Variants in TLE5 observed in about 807,000 individuals in gnomAD.
TLE5 encodes the protein TLE family member 5, transcriptional modulator.
Under a neutral mutation model 25.8 loss-of-function variants are expected in TLE5, and 7 were observed. That is an observed-to-expected ratio of 0.27 (90% CI 0.15 to 0.51). TLE5 has a LOEUF of 0.51. Ranked by LOEUF, TLE5 falls within the 20% of genes least tolerant of loss-of-function variation. The pLI is 0.97. For synonymous variants in TLE5, 132 were observed against 110.5 expected, an observed-to-expected ratio of 1.20 and a Z score of -1.22; for missense variants, 149 against 250.7, an observed-to-expected ratio of 0.59 and a Z score of 2.74.
In TLE5 at chr19:3,056,277, G is replaced by A. The variant is rs528278821; in HGVS notation, c.234+35C>T. 10 of 1,425,754 alleles carry A rather than the reference G, an allele frequency of 7.0e-6. No homozygotes were observed. In the African/African-American group the frequency reaches 1.1e-4, roughly 16 times the overall value. The allele number at this position is 1,425,754 out of a possible 1,614,324, so 88.3% of individuals were successfully genotyped here. ...GAGGTGGGGGGAGGAGGGGGAAGGA[G>A]GAGGAGGAGGAGGAGGAGGAGGAGA... On this transcript the variant is annotated intron_variant, in intron 4 of 6. Coordinates refer to ENST00000327141, the MANE Select transcript of TLE5 (RefSeq NM_001130.6).
chr19:3,062,090 G>C (rs1417912472), intron 1 of TLE5, 84 bp downstream of exon 1: 3 of 740,564 alleles, frequency 4.1e-6, no homozygotes, highest in African/African-American at 3.8e-5. Context: ...CTGGGGGTTG[G>C]GGGGCGCGGG....
chr19:3,062,687 C>T, upstream of TLE5: 1 of 1,447,364 alleles, frequency 6.9e-7, no homozygotes, highest in Non-Finnish European at 9.1e-7. Context: ...CGGCCCCCGC[C>T]ACCCTCTCCT....
intron 5 of TLE5, 96 bp downstream of exon 5, chr19:3,055,568 G>C: frequency 1.7e-6 from 2 of 1,159,698 alleles, no homozygotes; most frequent in South Asian, 3.4e-5. Context: ...GTGTGCCCTG[G>C]GGCGCCCAGC....
intron 3 of TLE5, among the ~76,000 whole-genome samples, chr19:3,057,179 C>G (rs535356650): frequency 6.6e-5 from 10 of 152,320 alleles, no homozygotes; most frequent in African/African-American, 2.4e-4. Flanking sequence ...CGTCACCTGG[C>G]AGTTACAAAA....
At chr19:3,061,118 TCA>T (rs2090262479) in intron 2 of TLE5, 40 bp downstream of exon 2, 4 of 1,471,486 alleles carry the variant, frequency 2.7e-6, no homozygotes, top group South Asian at 2.3e-5. Flanking sequence ...ATGGGGGGAC[TCA>T]CATTCTCGGG....
intron 3 of TLE5, chr19:3,057,403 C>T: frequency 2.1e-6 from 1 of 470,972 alleles, no homozygotes; most frequent in Non-Finnish European, 3.9e-6. Context: ...GAGCCTCCCT[C>T]TCCTCCCTCC....
At chr19:3,056,007 C>T in intron 4 of TLE5, 1 of 514,832 alleles carries the variant, frequency 1.9e-6, no homozygotes, top group East Asian at 3.3e-5. Flanking sequence ...CACTCAGGCC[C>T]CTGGCAGGTA....
At chr19:3,054,086 T>TGGGGGGGGGG in intron 6 of TLE5, 34 bp downstream of exon 6, 26 of 1,512,158 alleles carry the variant, frequency 1.7e-5, no homozygotes, top group Non-Finnish European at 2.1e-5. Context: ...GGCCCACCTG[T>TGGGGGGGGGG]CCCCCGCCCA....
rs2090279835 is a variant in TLE5, at chr19:3,062,411, G to GGCGCCCCTCC, written c.-221_-212dup. 6.1e-6 allele frequency: 5 copies of GGCGCCCCTCC among 823,434 alleles called. No individual in the cohort carries two copies. Among genetic ancestry groups the GGCGCCCCTCC allele is most frequent in the Non-Finnish European group, 7.2e-6 (5 of 690,582 alleles). The allele number at this position is 823,434 out of a possible 1,614,324, so 51.0% of individuals were successfully genotyped here. Reference sequence around the variant, plus strand: ...CCCGGGCCCCGCTTCCTGCGCGCCCGGCGCCCCTCCCCGCCCCTCCCCGCC... The same window carrying GGCGCCCCTCC: ...CCCGGGCCCCGCTTCCTGCGCGCCCGGCGCCCCTCCGCGCCCCTCCCCGCCCCTCCCCGCC... On this transcript the variant is annotated 5_prime_UTR_variant, in exon 1 of 7. Transcript: ENST00000327141.
Position 3,053,954 on chromosome 19 carries a change from C to G in TLE5, c.459G>C (p.Ser153=). 3 of 1,611,678 alleles carry G rather than the reference C, an allele frequency of 1.9e-6. No individual in the cohort carries two copies. The change falls in exon 7 of 7, where the codon TCG becomes TCC. Residue 153 remains serine (S), a synonymous_variant. Coordinates refer to ENST00000327141, the MANE Select transcript of TLE5 (RefSeq NM_001130.6). ...CGGTGCCTGCGCTGACCGCCGGCAG[C>G]GAAGGCGGCTGCAGCCCCACGGGTA... ...TPLPVGLQPP[S]LPAVSAGTGL...
At chr19:3,056,187 GGGCT>G in intron 4 of TLE5, 121 bp downstream of exon 4, 1 of 615,488 alleles carries the variant, frequency 1.6e-6, no homozygotes, top group South Asian at 2.0e-5. Context: ...CAGGATAACC[GGGCT>G]GGCTTGGTGC....
chr19:3,053,145 A>C lies in TLE5; in HGVS notation c.*674T>G. 1 of 152,166 alleles carries C rather than the reference A, an allele frequency of 6.6e-6. No homozygotes were observed. Among genetic ancestry groups the C allele is most frequent in the East Asian group, 1.9e-4 (1 of 5,202 alleles). The allele number at this position is 152,166 out of a possible 1,614,324, so 9.4% of individuals were successfully genotyped here. A position where few individuals can be genotyped will look rare whatever the true frequency, so the allele number is the denominator to read the frequency against. Reference sequence around the variant, plus strand: ...AAAAGAAAAAAATAATAATAAAATAAAAACCAAGACAACTTTAGTACCCTC... The same window carrying C: ...AAAAGAAAAAAATAATAATAAAATACAAACCAAGACAACTTTAGTACCCTC... On this transcript the variant is annotated 3_prime_UTR_variant, in exon 7 of 7. Transcript: ENST00000327141.
chr19:3,062,480 C>T lies in TLE5; in HGVS notation c.-280G>A, dbSNP rs1568267348. On this transcript the variant is annotated 5_prime_UTR_variant, in exon 1 of 7. Coordinates refer to ENST00000327141, the MANE Select transcript of TLE5 (RefSeq NM_001130.6). ...CGGCCCCACCGCTATTGTCTAATGG[C>T]GGCGACGCCGGCAGTGGCCGCGGCT... 3.2e-6 allele frequency: 2 copies of T among 624,750 alleles called. No individual in the cohort carries two copies. The highest frequency in any genetic ancestry group is 2.0e-5 in the African/African-American group (1 of 49,482). 38.7% of individuals were successfully genotyped at this position (624,750 alleles called of 1,614,324 possible). A position where few individuals can be genotyped will look rare whatever the true frequency, so the allele number is the denominator to read the frequency against.
chr19:3,056,219 G>A (rs1037709795), intron 4 of TLE5, 93 bp downstream of exon 4: 8 of 903,686 alleles, frequency 8.9e-6, no homozygotes, highest in East Asian at 6.6e-5. Context: ...AGGGCCGGCC[G>A]CTACCTGCCT....
intron 6 of TLE5, 34 bp downstream of exon 6, chr19:3,054,086 T>TCGGGGGGGGGCGCCC: frequency 3.3e-6 from 5 of 1,512,800 alleles, no homozygotes; most frequent in Non-Finnish European, 4.5e-6. Flanking sequence ...GGCCCACCTG[T>TCGGGGGGGGGCGCCC]CCCCCGCCCA....
chr19:3,057,722 T>C lies in TLE5; in HGVS notation c.146A>G (p.Lys49Arg), dbSNP rs2090232098. The C allele has an allele frequency of 6.2e-7, 1 of 1,612,848 alleles. No homozygotes were observed. The highest frequency in any genetic ancestry group is 8.5e-7 in the Non-Finnish European group (1 of 1,179,508). ...CATCTCTGACTTCTCACTGGCCAAC[T>C]TGTCACATTCGAGCTTGAGGCTGAG... The part of the protein sequence containing the change: ...QYHSLKLECD[K>R]LASEKSEMQR... The change falls in exon 3 of 7, where the codon AAG (lysine) becomes AGG (arginine). Residue 49 changes from lysine (K) to arginine (R), a missense_variant. Coordinates refer to ENST00000327141, the MANE Select transcript of TLE5 (RefSeq NM_001130.6).
In TLE5 at chr19:3,053,450, C is replaced by A. The variant is rs1049447012; in HGVS notation, c.*369G>T. 8 of 289,020 alleles carry A rather than the reference C, an allele frequency of 2.8e-5. No homozygotes were observed. Among genetic ancestry groups the A allele is most frequent in the Non-Finnish European group, 4.6e-5 (7 of 152,014 alleles). The allele number at this position is 289,020 out of a possible 1,614,324, so 17.9% of individuals were successfully genotyped here. On this transcript the variant is annotated 3_prime_UTR_variant, in exon 7 of 7. Coordinates refer to ENST00000327141, the MANE Select transcript of TLE5 (RefSeq NM_001130.6). Reference sequence around the variant, plus strand: ...AGTACCAGGGTGAGAGGGCTGTGGCCCAGGCAGACTGTCGGTTACACATGT... The same window carrying A: ...AGTACCAGGGTGAGAGGGCTGTGGCACAGGCAGACTGTCGGTTACACATGT...
At chr19:3,057,357 C>T (rs921359798) in intron 3 of TLE5, 18 of 376,188 alleles carry the variant, frequency 4.8e-5, no homozygotes, top group African/African-American at 3.5e-4. Context: ...GCTGCTCCCC[C>T]ACGTCAGTTC....
In TLE5 at chr19:3,053,813, C is replaced by T. The variant is rs552648733; in HGVS notation, c.*6G>A. ...CCCCTCCCAACCTCCCTGTCCCGGC[C>T]CCCTGCTAATCCGACTTCTCGCCAT... On this transcript the variant is annotated 3_prime_UTR_variant, in exon 7 of 7. Coordinates refer to ENST00000327141, the MANE Select transcript of TLE5 (RefSeq NM_001130.6). The T allele has an allele frequency of 3.7e-6, 6 of 1,612,894 alleles. No individual in the cohort carries two copies. The South Asian group carries it at 5.5e-5, about 15-fold the overall frequency.
Sources: allele counts gnomAD v4.1 joint callset (sites outside exome capture counted in the v4.1 genomes callset), GRCh38; gene constraint gnomAD v4.1.1; transcripts MANE v1.5; gene names NCBI Gene and HGNC (gene_info 2026-07-23, HGNC 2026-07-21).